TMEM71: variants seen among roughly 807,000 people sequenced by gnomAD.
TMEM71 encodes transmembrane protein 71.
In TMEM71, 44 loss-of-function variants were observed where a neutral mutation model predicts 38.0. The observed-to-expected ratio is 1.16, with a 90% CI of 0.91 to 1.49. The LOEUF is 1.49. Ranked by LOEUF, TMEM71 falls within the 40% of genes most tolerant of loss-of-function variation. TMEM71 has a pLI of 0.00. For synonymous variants in TMEM71, 133 were observed against 122.5 expected (o/e 1.09, Z -0.56); for missense variants, 367 against 348.6 (o/e 1.05, Z -0.42).
At chr8:132,732,859 C>G (rs1445696598) in intron 5 of TMEM71, among the ~76,000 whole-genome samples, 2 of 152,142 alleles carry the variant, frequency 1.3e-5, no homozygotes, top group African/African-American at 4.8e-5. Flanking sequence ...CTATTAAACA[C>G]CCAACAGTGC....
At chr8:132,707,923 C>A (rs1197193799), downstream of TMEM71, among the ~76,000 whole-genome samples, 1 of 152,134 alleles carries the variant, frequency 6.6e-6, no homozygotes, top group Non-Finnish European at 1.5e-5. Flanking sequence ...CGTCTGTATT[C>A]TTCACCGTCA....
chr8:132,769,556 T>C, the TMEM71 span, among the ~76,000 whole-genome samples: 1 of 152,320 alleles, frequency 6.6e-6, no homozygotes, highest in South Asian at 2.1e-4. Context: ...AATGCAATGG[T>C]ACTTGGAAGT....
chr8:132,751,734 T>C (rs1331607223), intron 4 of TMEM71, 51 bp downstream of exon 4: 1 of 1,512,692 alleles, frequency 6.6e-7, no homozygotes, highest in Non-Finnish European at 9.2e-7. Flanking sequence ...GAATAAACAA[T>C]TAATGGATGG....
chr8:132,712,635 C>T (rs992981118), intron 9 of TMEM71, among the ~76,000 whole-genome samples: 1 of 152,100 alleles, frequency 6.6e-6, no homozygotes, highest in Non-Finnish European at 1.5e-5. Flanking sequence ...CAGCCACATG[C>T]TGGGGCATTC....
chr8:132,757,235 T>C lies in TMEM71; in HGVS notation c.100A>G (p.Ser34Gly). 1 of 1,607,344 alleles carries C rather than the reference T, an allele frequency of 6.2e-7. No individual in the cohort carries two copies. The highest frequency in any genetic ancestry group is 8.5e-7 in the Non-Finnish European group (1 of 1,174,944). ...TTTAAAAGAAGCCCCATAGTATACC[T>C]TGGGAAAATGCACGTGGGAGACAGC... ...GELSPTCIFP[S>G]FTCDSLDGYH... The change falls in exon 3 of 10, where the codon AGT becomes GGT. Residue 34 changes from serine to glycine, a missense_variant and splice_region_variant. Coordinates refer to ENST00000677595, the MANE Select transcript of TMEM71 (RefSeq NM_001382403.1).
chr8:132,730,339 A>G (rs1827384637), intron 5 of TMEM71, among the ~76,000 whole-genome samples: 1 of 152,180 alleles, frequency 6.6e-6, no homozygotes, highest in Admixed American at 6.5e-5. Flanking sequence ...TATCTGCCAG[A>G]AGCCAACATA....
chr8:132,707,284 G>C, downstream of TMEM71, among the ~76,000 whole-genome samples: 1 of 152,178 alleles, frequency 6.6e-6, no homozygotes, highest in East Asian at 1.9e-4. Flanking sequence ...TGGTTATTCT[G>C]AAGGTGAGGA....
intron 4 of TMEM71, 42 bp from the exon 5 acceptor site, chr8:132,747,156 A>C: frequency 1.3e-6 from 2 of 1,486,298 alleles, no homozygotes; most frequent in Non-Finnish European, 1.8e-6. Flanking sequence ...AATAATAGTT[A>C]CCTTTAGTTC....
At chr8:132,763,505 G>C (rs186782564), upstream of TMEM71, among the ~76,000 whole-genome samples, 1 of 152,152 alleles carries the variant, frequency 6.6e-6, no homozygotes, top group Non-Finnish European at 1.5e-5. Context: ...ACTGTTAATG[G>C]AGGTGATGCG....
chr8:132,742,031 T>C (rs1828070893), intron 5 of TMEM71, among the ~76,000 whole-genome samples: 2 of 152,226 alleles, frequency 1.3e-5, no homozygotes, highest in Admixed American at 6.5e-5. Context: ...TGTCTGGGCA[T>C]AACAGAAGGC....
intron 6 of TMEM71, among the ~76,000 whole-genome samples, chr8:132,724,977 G>A (rs1211185333): frequency 6.6e-6 from 1 of 152,076 alleles, no homozygotes; most frequent in Non-Finnish European, 1.5e-5. Context: ...GAAAGGTGTA[G>A]GCACAGAGCC....
intron 6 of TMEM71, among the ~76,000 whole-genome samples, chr8:132,724,688 G>A (rs1827040522): frequency 6.6e-6 from 1 of 152,148 alleles, no homozygotes; most frequent in Non-Finnish European, 1.5e-5. Flanking sequence ...TTATGAAGAT[G>A]ACAGGATTAA....
the TMEM71 span, among the ~76,000 whole-genome samples, chr8:132,771,836 G>A: frequency 6.6e-6 from 1 of 152,068 alleles, no homozygotes; most frequent in Non-Finnish European, 1.5e-5. Context: ...ACATGGCCTA[G>A]AGCTCCTATT....
At chr8:132,749,431 T>A (rs918289757) in intron 4 of TMEM71, among the ~76,000 whole-genome samples, 1 of 152,380 alleles carries the variant, frequency 6.6e-6, no homozygotes. Flanking sequence ...TAGATCTTTC[T>A]GCTCCCTTGC....
intron 5 of TMEM71, among the ~76,000 whole-genome samples, chr8:132,732,898 C>T (rs192373810): frequency 1.9e-3 from 286 of 152,264 alleles, no homozygotes; most frequent in Non-Finnish European, 3.3e-3. Context: ...CAAGACATTA[C>T]CTGCCCACGA....
In TMEM71 at chr8:132,722,748, A is replaced by T. The variant is rs144509236; in HGVS notation, c.677-633T>A. Among the ~76,000 whole-genome samples the T allele has an allele frequency of 8.8e-3, 1,348 of 152,356 alleles. 15 individuals carry two copies. The highest frequency in any genetic ancestry group is 0.013 in the Non-Finnish European group (893 of 68,034). ...TGGAAGTCTCTAAAGACAAAAAATG[A>T]GAACATATATTATGAAATATTTGTC... On this transcript the variant is annotated intron_variant, in intron 6 of 9. Transcript: ENST00000677595.
At chr8:132,752,761 A>G (rs1828784413) in intron 3 of TMEM71, among the ~76,000 whole-genome samples, 2 of 149,682 alleles carry the variant, frequency 1.3e-5, no homozygotes, top group Admixed American at 6.7e-5. Context: ...AAGGAAGAAG[A>G]GAGAGAGAGA....
chr8:132,714,207 A>C lies in TMEM71; in HGVS notation c.761T>G (p.Met254Arg). The C allele has an allele frequency of 6.2e-7, 1 of 1,611,434 alleles. No homozygotes were observed. The highest frequency in any genetic ancestry group is 8.5e-7 in the Non-Finnish European group (1 of 1,178,984). The change falls in exon 8 of 10, where the codon ATG becomes AGG. Residue 254 changes from methionine to arginine, a missense_variant. Physicochemically the swap from Met to Arg is moderately conservative, Grantham distance 91. Coordinates refer to ENST00000677595, the MANE Select transcript of TMEM71 (RefSeq NM_001382403.1). ...LIISACARWF[M>R]GEILASVFTC... ...GAAGACACTGGCTAATATTTCTCCC[A>C]TAAACCATCTGAAACAACAAGATTG...
the TMEM71 span, chr8:132,775,433 C>T: frequency 1.0e-5 from 4 of 385,978 alleles, no homozygotes; most frequent in Non-Finnish European, 1.8e-5. Flanking sequence ...GCGATGGCAG[C>T]GGACCCTGAG....
Sources: allele counts gnomAD v4.1 joint callset (sites outside exome capture counted in the v4.1 genomes callset), GRCh38; gene constraint gnomAD v4.1.1; transcripts MANE v1.5; gene names NCBI Gene and HGNC (gene_info 2026-07-23, HGNC 2026-07-21).